The following UGGT2 variants were observed in gnomAD, a reference collection of about 807,000 sequenced individuals.
UGGT2 encodes the protein UDP-glucose:glycoprotein glucosyltransferase 2.
Under a neutral mutation model 192.1 loss-of-function variants are expected in UGGT2, and 180 were observed. The observed-to-expected ratio is 0.94, with a 90% CI of 0.83 to 1.06. The LOEUF (loss-of-function observed/expected upper bound fraction) is 1.06, where lower values mean the gene tolerates loss of function less well. Among genes scored for constraint, UGGT2 ranks in the 50% least tolerant of loss-of-function variants. The pLI, the probability that UGGT2 is intolerant of heterozygous loss-of-function variation, is 0.00. For synonymous variants in UGGT2, 580 were observed against 591.0 expected, an observed-to-expected ratio of 0.98 and a Z score of 0.27; for missense variants, 1,849 against 1,795.7, an observed-to-expected ratio of 1.03 and a Z score of -0.54.
rs1166002303 is a variant in UGGT2, at chr13:95,972,822, T to C, written c.1093-151A>G. 8.4e-6 allele frequency: 5 copies of C among 598,182 alleles called. No individual in the cohort carries two copies. The East Asian group carries it at 1.4e-4, about 17-fold the overall frequency. The allele number at this position is 598,182 out of a possible 1,614,324, so 37.1% of individuals were successfully genotyped here. On this transcript the variant is annotated intron_variant, in intron 10 of 38. Coordinates refer to ENST00000376747, the MANE Select transcript of UGGT2 (RefSeq NM_020121.4). The stretch of plus-strand genomic sequence containing the variant: ...TCTGTTGCAATTATTGATCTCTGCC[T>C]TTGTATCTTTAGATACTATGTAAAC...
chr13:95,880,955 A>C (rs575905154), intron 27 of UGGT2, among the ~76,000 whole-genome samples: 13 of 152,306 alleles, frequency 8.5e-5, no homozygotes, highest in African/African-American at 2.9e-4. Context: ...TGGGTGGATC[A>C]CAAGGTCAGG....
chr13:95,807,716 C>CTTTTTTTTTTT, intron 38 of UGGT2, among the ~76,000 whole-genome samples: 17 of 78,692 alleles, frequency 2.2e-4, no homozygotes, highest in African/African-American at 3.1e-4. Context: ...CAGCCCTCAC[C>CTTTTTTTTTTT]TTTTTTTTTT....
At position 95,884,951 on chromosome 13, in the gene UGGT2, T is replaced by C. The variant is rs553314414; in HGVS notation, c.3039-271A>G. 5.3e-5 allele frequency among the ~76,000 whole-genome samples: 8 copies of C among 152,350 alleles called. No homozygotes were observed. In the East Asian group the frequency reaches 5.8e-4, roughly 11 times the overall value. ...ATCCCTTTAAGATATACCTGACTTA[T>C]GCAGGTTCTAGGAGTTTATGATCTG... On this transcript the variant is annotated intron_variant, in intron 26 of 38. Transcript: ENST00000376747.
chr13:95,904,346 A>C (rs950034425), intron 20 of UGGT2, among the ~76,000 whole-genome samples: 29 of 151,622 alleles, frequency 1.9e-4, no homozygotes, highest in African/African-American at 4.8e-4. Context: ...CACATTGTGC[A>C]GGTTAGTTAC....
intron 12 of UGGT2, among the ~76,000 whole-genome samples, chr13:95,951,734 C>T (rs556851116): frequency 6.6e-5 from 10 of 152,318 alleles, no homozygotes; most frequent in African/African-American, 2.4e-4. Context: ...TCTCATTTCA[C>T]TGAACATGGT....
rs116376287 is a variant in UGGT2, at chr13:95,984,313, A to G, written c.1032-449T>C. 4.5e-3 allele frequency among the ~76,000 whole-genome samples: 685 copies of G among 152,086 alleles called. 4 individuals are homozygous for G. Among genetic ancestry groups the G allele is most frequent in the African/African-American group, 0.015 (639 of 41,518 alleles). On this transcript the variant is annotated intron_variant, in intron 9 of 38. Transcript: ENST00000376747. ...TGGCTTTACATCACTCACTCTTTCA[A>G]TTTTTTCAATTTGTTTATTAAAAAC...
chr13:95,955,320 A>G (rs908112824), intron 12 of UGGT2, among the ~76,000 whole-genome samples: 1 of 152,184 alleles, frequency 6.6e-6, no homozygotes, highest in African/African-American at 2.4e-5. Flanking sequence ...TGCACCTGGT[A>G]AATAGGTAGA....
At chr13:95,909,617 G>T (rs1330781024) in intron 20 of UGGT2, among the ~76,000 whole-genome samples, 2 of 103,126 alleles carry the variant, frequency 1.9e-5, no homozygotes, top group African/African-American at 7.4e-5. Context: ...TGGGGGGAGG[G>T]GGGAGGGATA....
intron 33 of UGGT2, chr13:95,856,739 T>C (rs774216586): frequency 2.8e-6 from 1 of 352,766 alleles, no homozygotes; most frequent in South Asian, 2.3e-5. Context: ...TGGTCAGAGA[T>C]GTAAAGATGA....
chr13:96,051,684 T>C (rs1192963532), intron 1 of UGGT2, among the ~76,000 whole-genome samples: 4 of 148,996 alleles, frequency 2.7e-5, no homozygotes, highest in African/African-American at 7.4e-5. Context: ...AGGACATGAA[T>C]AGACAATTCT....
chr13:96,030,274 C>G (rs1014120285), intron 2 of UGGT2, among the ~76,000 whole-genome samples: 19 of 152,284 alleles, frequency 1.2e-4, no homozygotes, highest in African/African-American at 4.6e-4. Flanking sequence ...ATGCATGACC[C>G]AATTAAAGCT....
At chr13:95,993,340 A>C (rs767431793) in intron 7 of UGGT2, among the ~76,000 whole-genome samples, 2 of 152,150 alleles carry the variant, frequency 1.3e-5, no homozygotes, top group Non-Finnish European at 2.9e-5. Context: ...CAGCATCACA[A>C]AATATATCCA....
chr13:95,899,459 T>A (rs2048041006), intron 22 of UGGT2, among the ~76,000 whole-genome samples: 1 of 152,134 alleles, frequency 6.6e-6, no homozygotes, highest in African/African-American at 2.4e-5. Context: ...AATATTTTTA[T>A]CAATTTTAAG....
intron 20 of UGGT2, among the ~76,000 whole-genome samples, chr13:95,915,909 CAG>C (rs2048667897): frequency 6.6e-6 from 1 of 152,228 alleles, no homozygotes; most frequent in South Asian, 2.1e-4. Context: ...CTTCCTGAGA[CAG>C]AGTTCCCAGT....
intron 20 of UGGT2, among the ~76,000 whole-genome samples, chr13:95,924,327 A>T (rs954412394): frequency 3.3e-5 from 5 of 149,394 alleles, no homozygotes; most frequent in Non-Finnish European, 5.9e-5. Flanking sequence ...CACACCCAGA[A>T]CCGCTTGAGA....
intron 27 of UGGT2, among the ~76,000 whole-genome samples, chr13:95,884,084 A>AC (rs1555346761): frequency 1.1e-4 from 14 of 132,012 alleles, no homozygotes; most frequent in African/African-American, 3.3e-4. Flanking sequence ...AAAAAAAAAA[A>AC]AACCAACAAC....
At position 95,832,820 on chromosome 13, in the gene UGGT2, G is replaced by T. The variant is rs755518242; in HGVS notation, c.4528+107C>A. 13 of 1,501,858 alleles carry T rather than the reference G, an allele frequency of 8.7e-6. No homozygotes were observed. The Admixed American group carries it at 2.2e-4, about 26-fold the overall frequency. The allele number at this position is 1,501,858 out of a possible 1,614,324, so 93.0% of individuals were successfully genotyped here. On this transcript the variant is annotated intron_variant, in intron 38 of 38. Transcript: ENST00000376747. ...AAATTATGCCACAGACTTTCTTAAA[G>T]AAATTCTTAATCATTTTATAAATTC... is the stretch of plus-strand genomic sequence containing the variant.
chr13:96,004,966 C>CT (rs2051927398), intron 5 of UGGT2, among the ~76,000 whole-genome samples: 1 of 151,798 alleles, frequency 6.6e-6, no homozygotes, highest in Non-Finnish European at 1.5e-5. Flanking sequence ...AGTGACAGCA[C>CT]TTTATTATTT....
chr13:96,030,188 A>G (rs1261678556), intron 2 of UGGT2, among the ~76,000 whole-genome samples: 1 of 152,216 alleles, frequency 6.6e-6, no homozygotes, highest in East Asian at 1.9e-4. Context: ...ACTCAGCTCC[A>G]GCATTCAGCA....
Sources: gnomAD v4.1 joint callset for allele counts (sites outside exome capture counted in the v4.1 genomes callset) on GRCh38, gnomAD v4.1.1 for gene constraint, MANE v1.5 for transcripts, NCBI Gene and HGNC (gene_info 2026-07-23, HGNC 2026-07-21) for gene names.